The following MYO3B variants were observed in gnomAD, a reference collection of about 807,000 sequenced individuals.
MYO3B encodes the protein myosin-IIIb.
In MYO3B, 156 loss-of-function variants were observed where a neutral mutation model predicts 174.6. The ratio of observed to expected loss-of-function variants is 0.89; its 90% CI spans 0.78 to 1.02. MYO3B has a LOEUF of 1.02. MYO3B is among the 50% of genes least tolerant of loss of function. The pLI is 0.00. For missense variants in MYO3B, 1,632 were observed against 1,639.4 expected (o/e 1.00, Z 0.08); for synonymous variants, 563 against 569.1 (o/e 0.99, Z 0.15).
chr2:170,530,268 T>C (rs1476819358), intron 30 of MYO3B, among the ~76,000 whole-genome samples: 1 of 152,182 alleles, frequency 6.6e-6, no homozygotes, highest in Non-Finnish European at 1.5e-5. Context: ...GGAAATTAGA[T>C]AATAAACAGT....
At position 170,537,448 on chromosome 2, in the gene MYO3B, ATTTTTTTTTTTTTTTT is replaced by A. The variant is rs559086883; in HGVS notation, c.3576-5440_3576-5425del. ...ACCTTCTCTTATTAAGAGCTCTTTG[ATTTTTTTTTTTTTTTT>A]TTTTTTTTTTTTTTTTTGGTGGGGA... is the stretch of plus-strand genomic sequence containing the variant. On this transcript the variant is annotated intron_variant, in intron 30 of 34. Transcript: ENST00000408978. Among the ~76,000 whole-genome samples the A allele has an allele frequency of 4.0e-4, 22 of 54,832 alleles. No homozygotes were observed. In the South Asian group the frequency reaches 8.2e-3, roughly 20 times the overall value. The allele number at this position is 54,832 out of a possible 152,430, so 36.0% of individuals were successfully genotyped here.
chr2:170,483,503 C>T (rs1366050356), intron 25 of MYO3B, among the ~76,000 whole-genome samples: 1 of 138,670 alleles, frequency 7.2e-6, no homozygotes, highest in African/African-American at 3.2e-5. Flanking sequence ...TCTCCTGCCT[C>T]AGCCTCCCGA....
At position 170,369,189 on chromosome 2, in the gene MYO3B, T is replaced by C. The variant is rs897727473; in HGVS notation, c.816-33T>C. The C allele has an allele frequency of 2.5e-6, 4 of 1,602,312 alleles. No individual in the cohort carries two copies. In the African/African-American group the frequency reaches 5.4e-5, roughly 21 times the overall value. ...TAGGGGAACAGGGTGTCTAAGATTG[T>C]ACTTTGGATTGTTTGTTGGTTTTTG... On this transcript the variant is annotated intron_variant, in intron 8 of 34. Transcript: ENST00000408978.
At position 170,477,490 on chromosome 2, in the gene MYO3B, A is replaced by G. The variant is rs377413004; in HGVS notation, c.3014+10779A>G. Among the ~76,000 whole-genome samples the G allele has an allele frequency of 5.9e-5, 9 of 152,162 alleles. No individual in the cohort carries two copies. The South Asian group carries it at 1.7e-3, about 28-fold the overall frequency. On this transcript the variant is annotated intron_variant, in intron 25 of 34. Transcript: ENST00000408978. ...TCCCTAGCACTTCACGTGTTATGGT[A>G]TCTGGCTCATGGTGTGTGTCCAGTG...
intron 25 of MYO3B, among the ~76,000 whole-genome samples, chr2:170,479,645 A>G (rs924311001): frequency 1.4e-5 from 2 of 146,474 alleles, no homozygotes; most frequent in African/African-American, 4.9e-5. Flanking sequence ...ATATATACAT[A>G]TATATAACAG....
At chr2:170,477,029 TC>T (rs1685358892) in intron 25 of MYO3B, among the ~76,000 whole-genome samples, 1 of 152,134 alleles carries the variant, frequency 6.6e-6, no homozygotes, top group African/African-American at 2.4e-5. Flanking sequence ...ACTCTCAGCT[TC>T]CTTAGACTTT....
intron 28 of MYO3B, among the ~76,000 whole-genome samples, chr2:170,509,426 A>G (rs1464202872): frequency 6.6e-6 from 1 of 152,258 alleles, no homozygotes; most frequent in African/African-American, 2.4e-5. Context: ...GGAGAAAAAT[A>G]GTACCTGTCA....
intron 7 of MYO3B, among the ~76,000 whole-genome samples, chr2:170,244,918 C>T (rs1239082849): frequency 3.3e-5 from 5 of 152,020 alleles, no homozygotes; most frequent in South Asian, 4.1e-4. Flanking sequence ...ATGGTGGTAG[C>T]GATGGAATCA....
chr2:170,426,005 T>G (rs935826138), intron 22 of MYO3B, among the ~76,000 whole-genome samples: 1 of 152,168 alleles, frequency 6.6e-6, no homozygotes, highest in Non-Finnish European at 1.5e-5. Context: ...TGTTAAATAT[T>G]TTTTGATCTG....
At position 170,480,300 on chromosome 2, in the gene MYO3B, C is replaced by A. The variant is rs1360570492; in HGVS notation, c.3014+13589C>A. Among the ~76,000 whole-genome samples the A allele has an allele frequency of 3.3e-5, 5 of 152,096 alleles. No individual in the cohort carries two copies. The East Asian group carries it at 9.6e-4, about 29-fold the overall frequency. On this transcript the variant is annotated intron_variant, in intron 25 of 34. Coordinates refer to ENST00000408978, the MANE Select transcript of MYO3B (RefSeq NM_138995.5). ...CCAGAGAGGGTCCCATCATATATCA[C>A]AGGGGGAGGAATGCTGAAGTCATGA...
chr2:170,517,390 G>T (rs186178601), intron 29 of MYO3B, among the ~76,000 whole-genome samples: 1 of 152,058 alleles, frequency 6.6e-6, no homozygotes, highest in Non-Finnish European at 1.5e-5. Flanking sequence ...GCTTCCTCTC[G>T]TTCTGGTCTT....
intron 25 of MYO3B, among the ~76,000 whole-genome samples, chr2:170,488,734 CTATT>C (rs778665774): frequency 1.3e-5 from 2 of 152,080 alleles, no homozygotes; most frequent in Non-Finnish European, 2.9e-5. Context: ...ATTTACATAT[CTATT>C]TATCAGTTGG....
intron 30 of MYO3B, among the ~76,000 whole-genome samples, chr2:170,537,665 T>C (rs1049761103): frequency 4.6e-5 from 7 of 151,978 alleles, no homozygotes; most frequent in Non-Finnish European, 7.4e-5. Context: ...CAGGCTAATC[T>C]CTAACTCCTA....
At chr2:170,577,662 C>G (rs1476510019) in intron 32 of MYO3B, among the ~76,000 whole-genome samples, 1 of 152,102 alleles carries the variant, frequency 6.6e-6, no homozygotes, top group African/African-American at 2.4e-5. Flanking sequence ...AGAATTGTAG[C>G]TTTGGGTAGT....
At chr2:170,628,040 T>A (rs966438921) in intron 32 of MYO3B, among the ~76,000 whole-genome samples, 3 of 152,164 alleles carry the variant, frequency 2.0e-5, no homozygotes, top group African/African-American at 7.2e-5. Context: ...GATCTCAAAC[T>A]CTGTGCTGGG....
In MYO3B at chr2:170,642,419, C is replaced by T. The variant is rs185258892; in HGVS notation, c.3734-9209C>T. Among the ~76,000 whole-genome samples the T allele has an allele frequency of 1.3e-5, 2 of 152,272 alleles. 1 individual carries two copies. Among genetic ancestry groups the T allele is most frequent in the East Asian group, 3.9e-4 (2 of 5,178 alleles). Reference sequence around the variant, plus strand: ...TTGAAGAAGATTGTTCATGACATAACATGGCAAGTGGGAAAATTTGTAGCT... The same window carrying T: ...TTGAAGAAGATTGTTCATGACATAATATGGCAAGTGGGAAAATTTGTAGCT... On this transcript the variant is annotated intron_variant, in intron 32 of 34. Transcript: ENST00000408978.
intron 32 of MYO3B, among the ~76,000 whole-genome samples, chr2:170,632,917 TCCAAAGA>T (rs1180407700): frequency 1.4e-5 from 2 of 144,268 alleles, no homozygotes; most frequent in Non-Finnish European, 3.1e-5. Flanking sequence ...ACTTATACCC[TCCAAAGA>T]CAGCTGAATT....
chr2:170,407,031 C>A (rs2094514257), intron 21 of MYO3B, among the ~76,000 whole-genome samples: 1 of 152,168 alleles, frequency 6.6e-6, no homozygotes, highest in Admixed American at 6.5e-5. Flanking sequence ...CAGCCTCTTC[C>A]TAAGTCTCTG....
At chr2:170,313,609 T>A (rs1178103347) in intron 7 of MYO3B, among the ~76,000 whole-genome samples, 2 of 152,156 alleles carry the variant, frequency 1.3e-5, no homozygotes, top group Non-Finnish European at 2.9e-5. Context: ...GACCCTAGAA[T>A]CAGTTTTAAT....
Sources: gnomAD v4.1 joint callset for allele counts (sites outside exome capture counted in the v4.1 genomes callset) on GRCh38, gnomAD v4.1.1 for gene constraint, MANE v1.5 for transcripts, NCBI Gene and HGNC (gene_info 2026-07-23, HGNC 2026-07-21) for gene names.